Variants in MATN2 observed in about 807,000 individuals in gnomAD.
The protein encoded by MATN2 is matrilin-2.
In MATN2, 69 loss-of-function variants were observed where a neutral mutation model predicts 103.2. That is an observed-to-expected ratio of 0.67 (90% CI 0.55 to 0.82). The LOEUF is 0.82. Among genes scored for constraint, MATN2 ranks in the 40% least tolerant of loss-of-function variants. The pLI is 0.00. For synonymous variants in MATN2, 429 were observed against 450.2 expected, an observed-to-expected ratio of 0.95 and a Z score of 0.60; for missense variants, 1,023 against 1,211.5, an observed-to-expected ratio of 0.84 and a Z score of 2.31.
intron 10 of MATN2, among the ~76,000 whole-genome samples, chr8:98,014,368 T>C (rs1813286482): frequency 6.6e-6 from 1 of 152,182 alleles, no homozygotes; most frequent in South Asian, 2.1e-4. Flanking sequence ...TACTTTCCAC[T>C]CTTACACCAT....
intron 1 of MATN2, among the ~76,000 whole-genome samples, chr8:97,873,102 C>T (rs1330438539): frequency 6.6e-6 from 1 of 152,170 alleles, no homozygotes; most frequent in East Asian, 1.9e-4. Flanking sequence ...GGCCCAAAGT[C>T]CCTTTTGCCA....
intron 6 of MATN2, among the ~76,000 whole-genome samples, chr8:97,990,288 AAT>A (rs986782530): frequency 1.3e-5 from 2 of 152,194 alleles, no homozygotes; most frequent in Non-Finnish European, 1.5e-5. Context: ...AGCATATGAA[AAT>A]ATATTCAACA....
Position 98,036,295 on chromosome 8 carries a change from A to G in MATN2, c.*583A>G, listed in dbSNP as rs904569192. On this transcript the variant is annotated 3_prime_UTR_variant, in exon 19 of 19. Coordinates refer to ENST00000254898, the MANE Select transcript of MATN2 (RefSeq NM_002380.5). ...GAGAAATGGCCAACATGCCTATGAA[A>G]AAAATGCTGAATCTCATCAGTAATC... is the stretch of plus-strand genomic sequence containing the variant. 1.3e-5 allele frequency: 2 copies of G among 152,260 alleles called. No homozygotes were observed. Among genetic ancestry groups the G allele is most frequent in the Admixed American group, 6.5e-5 (1 of 15,290 alleles). The allele number at this position is 152,260 out of a possible 1,614,324, so 9.4% of individuals were successfully genotyped here.
chr8:98,004,265 C>G, intron 8 of MATN2: 1 of 143,028 alleles, frequency 7.0e-6, no homozygotes, highest in Non-Finnish European at 1.5e-5. Flanking sequence ...CCAACCTGGG[C>G]GACAAAGCAA....
intron 6 of MATN2, among the ~76,000 whole-genome samples, chr8:97,981,948 T>C (rs1812040616): frequency 6.6e-6 from 1 of 152,216 alleles, no homozygotes; most frequent in Non-Finnish European, 1.5e-5. Context: ...CGGGAGGGGC[T>C]GATCCAGCTG....
intron 3 of MATN2, among the ~76,000 whole-genome samples, chr8:97,936,167 G>A (rs1370054283): frequency 6.6e-6 from 1 of 152,092 alleles, no homozygotes; most frequent in Non-Finnish European, 1.5e-5. Flanking sequence ...ACACATCCTG[G>A]AGTCTGCCAT....
rs371660490 is a variant in MATN2 at position 98,011,380 on chromosome 8, C to T, written c.1573+3779C>T. Among the ~76,000 whole-genome samples the T allele has an allele frequency of 4.5e-4, 68 of 152,286 alleles. 1 individual carries two copies. The South Asian group carries it at 0.014, about 31-fold the overall frequency. Reference sequence around the variant, plus strand: ...CACTCTCATGTATTCACATTACAGGCTTGATGCAACAGAAGGAAACTAGAG... The same window carrying T: ...CACTCTCATGTATTCACATTACAGGTTTGATGCAACAGAAGGAAACTAGAG... On this transcript the variant is annotated intron_variant, in intron 10 of 18. Transcript: ENST00000254898.
At chr8:98,035,414 C>T (rs1419102101) in intron 18 of MATN2, among the ~76,000 whole-genome samples, 5 of 150,846 alleles carry the variant, frequency 3.3e-5, no homozygotes, top group Non-Finnish European at 7.4e-5. Flanking sequence ...GACAAATTCA[C>T]ACTGAGCCAT....
At chr8:97,911,173 G>A (rs1022800875) in intron 2 of MATN2, among the ~76,000 whole-genome samples, 1 of 146,132 alleles carries the variant, frequency 6.8e-6, no homozygotes, top group Non-Finnish European at 1.5e-5. Flanking sequence ...TTGTATTTTC[G>A]GTAGAGACGG....
chr8:97,875,941 C>T (rs1181302683), intron 1 of MATN2, among the ~76,000 whole-genome samples: 7 of 152,032 alleles, frequency 4.6e-5, no homozygotes, highest in Non-Finnish European at 7.4e-5. Context: ...ATGATCCACC[C>T]GCCTCAGCCT....
intron 1 of MATN2, among the ~76,000 whole-genome samples, chr8:97,875,127 C>T (rs545414990): frequency 1.3e-5 from 2 of 152,252 alleles, no homozygotes; most frequent in Admixed American, 6.5e-5. Context: ...CCTTTGCCAT[C>T]TAACATCACA....
intron 18 of MATN2, 161 bp downstream of exon 18, chr8:98,033,820 G>GTGTT (rs1814136431): frequency 1.7e-6 from 1 of 581,366 alleles, no homozygotes; most frequent in Non-Finnish European, 3.0e-6. Context: ...AGCCTCACAG[G>GTGTT]TGTTTGAGAG....
intron 13 of MATN2, chr8:98,025,770 T>C: frequency 2.3e-6 from 1 of 444,308 alleles, no homozygotes; most frequent in South Asian, 1.6e-5. Context: ...AATGAGATAA[T>C]CCATTTTGGA....
rs1317103488 is a variant in MATN2, at chr8:97,888,069, T to C, written c.-26-6T>C. 6.2e-7 allele frequency: 1 copy of C among 1,603,206 alleles called. No individual in the cohort carries two copies. Among genetic ancestry groups the C allele is most frequent in the Admixed American group, 1.7e-5 (1 of 58,066 alleles). On this transcript the variant is annotated splice_region_variant and splice_polypyrimidine_tract_variant and intron_variant, in intron 1 of 18. Coordinates refer to ENST00000254898, the MANE Select transcript of MATN2 (RefSeq NM_002380.5). ...CTGCCCTCTTCTTGTGTTGTGTTTG[T>C]CACAGCCTTGCCCCTCTTGCTCGCC...
chr8:98,025,367 C>CTTA (rs2130439598), intron 13 of MATN2: 1 of 176,116 alleles, frequency 5.7e-6, no homozygotes, highest in African/African-American at 2.4e-5. Flanking sequence ...TCTCTACATG[C>CTTA]TTATATTGTT....
At chr8:98,028,048 A>G (rs912662271) in intron 14 of MATN2, among the ~76,000 whole-genome samples, 3 of 152,180 alleles carry the variant, frequency 2.0e-5, no homozygotes, top group African/African-American at 7.2e-5. Context: ...GGCTACTAGA[A>G]GGGTAGGCTA....
chr8:97,964,162 G>A (rs967212654), intron 5 of MATN2, among the ~76,000 whole-genome samples: 2 of 152,178 alleles, frequency 1.3e-5, no homozygotes, highest in Non-Finnish European at 2.9e-5. Flanking sequence ...CAGCTCCTGG[G>A]AGCTGGTAGG....
chr8:97,960,781 A>G (rs1811286473), intron 4 of MATN2, among the ~76,000 whole-genome samples: 1 of 152,182 alleles, frequency 6.6e-6, no homozygotes, highest in African/African-American at 2.4e-5. Flanking sequence ...ATGTATTTCA[A>G]AGTAATTCCA....
intron 7 of MATN2, among the ~76,000 whole-genome samples, chr8:98,002,678 T>C (rs1428158920): frequency 6.6e-6 from 1 of 152,130 alleles, no homozygotes; most frequent in Non-Finnish European, 1.5e-5. Context: ...TCTTTGGCCA[T>C]CAAAGAGGGA....
Sources: allele counts gnomAD v4.1 joint callset (sites outside exome capture counted in the v4.1 genomes callset), GRCh38; gene constraint gnomAD v4.1.1; transcripts MANE v1.5; gene names NCBI Gene and HGNC (gene_info 2026-07-23, HGNC 2026-07-21).